The following ATP13A4 variants were observed in gnomAD, a reference collection of about 807,000 sequenced individuals.
ATP13A4 encodes ATPase 13A4, also known as probable cation-transporting ATPase 13A4.
Under a neutral mutation model 142.5 loss-of-function variants are expected in ATP13A4, and 114 were observed. The ratio of observed to expected loss-of-function variants is 0.80; its 90% CI spans 0.69 to 0.93. The LOEUF is 0.93. ATP13A4 is among the 40% of genes least tolerant of loss of function. The probability of loss-of-function intolerance (pLI) is 0.00; values close to 1 mark genes in which losing one functional copy is unlikely to be tolerated. For missense variants in ATP13A4, 1,392 were observed against 1,454.0 expected, an observed-to-expected ratio of 0.96 and a Z score of 0.69; for synonymous variants, 488 against 514.8, an observed-to-expected ratio of 0.95 and a Z score of 0.70.
intron 8 of ATP13A4, among the ~76,000 whole-genome samples, chr3:193,472,118 C>T (rs1718663984): frequency 6.6e-6 from 1 of 152,202 alleles, no homozygotes. Flanking sequence ...AGAAATGGTA[C>T]AATAAGTACA....
At chr3:193,475,614 T>C (rs1446540467) in intron 8 of ATP13A4, among the ~76,000 whole-genome samples, 1 of 151,996 alleles carries the variant, frequency 6.6e-6, no homozygotes, top group Non-Finnish European at 1.5e-5. Flanking sequence ...CTGGAATGTC[T>C]TCTGTCTTAC....
At chr3:193,586,005 C>T (rs1209071303) in intron 1 of ATP13A4, among the ~76,000 whole-genome samples, 4 of 151,898 alleles carry the variant, frequency 2.6e-5, no homozygotes, top group Admixed American at 6.6e-5. Context: ...TTCATTTCTC[C>T]GATGACTAAT....
chr3:193,514,088 T>C (rs1179583782), intron 2 of ATP13A4, among the ~76,000 whole-genome samples: 1 of 152,216 alleles, frequency 6.6e-6, no homozygotes, highest in Non-Finnish European at 1.5e-5. Context: ...CAATTTTTAA[T>C]TTAACTTGTA....
At chr3:193,496,353 G>A (rs1361691394) in intron 3 of ATP13A4, among the ~76,000 whole-genome samples, 1 of 152,142 alleles carries the variant, frequency 6.6e-6, no homozygotes, top group Non-Finnish European at 1.5e-5. Flanking sequence ...AAAACAGCAT[G>A]GTGCTGGCAG....
intron 26 of ATP13A4, among the ~76,000 whole-genome samples, chr3:193,413,162 T>C (rs1020527551): frequency 2.0e-5 from 3 of 152,184 alleles, no homozygotes; most frequent in African/African-American, 7.2e-5. Context: ...ATTAATACTT[T>C]TATAATTTCC....
chr3:193,504,154 C>T (rs558277822), intron 2 of ATP13A4, among the ~76,000 whole-genome samples: 1 of 151,966 alleles, frequency 6.6e-6, no homozygotes, highest in Non-Finnish European at 1.5e-5. Context: ...GGCTGTTACA[C>T]TGTGGATTTA....
intron 2 of ATP13A4, among the ~76,000 whole-genome samples, chr3:193,570,914 A>G (rs2108741127): frequency 6.6e-6 from 1 of 152,318 alleles, no homozygotes; most frequent in South Asian, 2.1e-4. Context: ...AATTCCCAAT[A>G]ATTGGTAGCT....
In ATP13A4 at chr3:193,412,283, T is replaced by G. The variant is rs747561796; in HGVS notation, c.3103A>C (p.Ser1035Arg). 1.2e-6 allele frequency: 2 copies of G among 1,613,586 alleles called. No individual in the cohort carries two copies. The highest frequency in any genetic ancestry group is 1.3e-5 in the African/African-American group (1 of 74,918). Residue 1035 changes from serine (S) to arginine (R), a missense_variant, in exon 27 of 30, where the codon AGT becomes CGT. Coordinates refer to ENST00000342695, the MANE Select transcript of ATP13A4 (RefSeq NM_032279.4). ...AACCAGACTGTAGTGTTCTCAAAAC[T>G]TGTGAAGGTGCTATTACTTTCCATT... The part of the protein sequence containing the change: ...EKMESNSTFT[S>R]FENTTVWFLG...
At chr3:193,516,927 T>C (rs1721448756) in intron 1 of ATP13A4, among the ~76,000 whole-genome samples, 2 of 152,240 alleles carry the variant, frequency 1.3e-5, no homozygotes, top group South Asian at 4.1e-4. Flanking sequence ...CCTTTAATAG[T>C]AATAATAGTG....
intron 18 of ATP13A4, among the ~76,000 whole-genome samples, chr3:193,444,384 G>A (rs752430448): frequency 8.5e-5 from 13 of 152,114 alleles, no homozygotes; most frequent in Non-Finnish European, 1.6e-4. Context: ...TCAGATGAAT[G>A]AAAATTGAAG....
intron 8 of ATP13A4, among the ~76,000 whole-genome samples, chr3:193,474,847 T>C (rs1170252416): frequency 6.6e-6 from 1 of 151,950 alleles, no homozygotes. Context: ...GGCAACTTAT[T>C]CTCAAGAAGT....
At chr3:193,407,490 C>T in intron 28 of ATP13A4, 97 bp from the exon 29 acceptor site, 1 of 921,952 alleles carries the variant, frequency 1.1e-6, no homozygotes, top group Non-Finnish European at 1.7e-6. Context: ...GGTTATAAAT[C>T]TCATATGTAA....
At chr3:193,424,973 G>A (rs1715582653) in intron 25 of ATP13A4, among the ~76,000 whole-genome samples, 1 of 140,250 alleles carries the variant, frequency 7.1e-6, no homozygotes, top group Admixed American at 7.7e-5. Context: ...GATTATATCA[G>A]GAACTCAAAA....
intron 25 of ATP13A4, 60 bp downstream of exon 25, chr3:193,433,785 A>G (rs754545848): frequency 2.6e-5 from 33 of 1,255,902 alleles, no homozygotes; most frequent in Non-Finnish European, 3.7e-5. Flanking sequence ...AATCTTTCCA[A>G]GGCAGAGGGA....
At chr3:193,496,283 A>G (rs1054093311) in intron 3 of ATP13A4, among the ~76,000 whole-genome samples, 1 of 152,202 alleles carries the variant, frequency 6.6e-6, no homozygotes, top group Non-Finnish European at 1.5e-5. Flanking sequence ...GAGCAAAAAG[A>G]GCAAAGCTAA....
intron 25 of ATP13A4, among the ~76,000 whole-genome samples, chr3:193,432,743 G>A (rs11716901): frequency 0.7 from 105,473 of 151,720 alleles, 37,486 homozygotes; most frequent in Non-Finnish European, 0.77. Context: ...AATAATAAAA[G>A]AAAAGAAAAG....
chr3:193,436,671 C>T (rs1039728346), intron 23 of ATP13A4, among the ~76,000 whole-genome samples: 2 of 151,440 alleles, frequency 1.3e-5, no homozygotes, highest in Non-Finnish European at 2.9e-5. Context: ...AAGCTGGTCT[C>T]GAACTCCTGA....
intron 11 of ATP13A4, 72 bp downstream of exon 11, chr3:193,465,953 G>A: frequency 6.3e-7 from 1 of 1,585,660 alleles, no homozygotes; most frequent in South Asian, 1.1e-5. Context: ...CTAGGTTAAG[G>A]CCAACATGCA....
upstream of ATP13A4, among the ~76,000 whole-genome samples, chr3:193,555,931 A>G (rs899164234): frequency 2.0e-5 from 3 of 152,294 alleles, no homozygotes; most frequent in Non-Finnish European, 4.4e-5. Flanking sequence ...AGGACTTTTG[A>G]GAGAATGGAA....
Sources: gnomAD v4.1 joint callset for allele counts (sites outside exome capture counted in the v4.1 genomes callset) on GRCh38, gnomAD v4.1.1 for gene constraint, MANE v1.5 for transcripts, NCBI Gene and HGNC (gene_info 2026-07-23, HGNC 2026-07-21) for gene names.